Variants in KIAA1328 observed in about 807,000 individuals in gnomAD.
KIAA1328 encodes KIAA1328.
A neutral mutation model predicts 68.1 loss-of-function variants in KIAA1328; 52 were observed. That is an observed-to-expected ratio of 0.76 (90% CI 0.61 to 0.96). KIAA1328 has a LOEUF of 0.96. KIAA1328 is among the 40% of genes least tolerant of loss of function. The probability of loss-of-function intolerance (pLI) is 0.00; values close to 1 mark genes in which losing one functional copy is unlikely to be tolerated. For missense variants in KIAA1328, 641 were observed against 677.6 expected, an observed-to-expected ratio of 0.95 and a Z score of 0.60; for synonymous variants, 232 against 239.4, an observed-to-expected ratio of 0.97 and a Z score of 0.28.
chr18:37,064,544 C>CA (rs1205958446), intron 6 of KIAA1328, among the ~76,000 whole-genome samples: 1 of 146,020 alleles, frequency 6.8e-6, no homozygotes, highest in Admixed American at 6.9e-5. Flanking sequence ...GTACCCCCCC[C>CA]CCCAAATATG....
At chr18:37,108,572 A>G (rs925288644) in intron 7 of KIAA1328, among the ~76,000 whole-genome samples, 1 of 152,238 alleles carries the variant, frequency 6.6e-6, no homozygotes, top group East Asian at 1.9e-4. Flanking sequence ...TCTAATAAAT[A>G]TATGTTATTA....
At chr18:36,946,582 A>G (rs1352312089) in intron 5 of KIAA1328, 1 of 152,194 alleles carries the variant, frequency 6.6e-6, no homozygotes, top group African/African-American at 2.4e-5. Context: ...TTTATTCTAA[A>G]TCTCAGCTCA....
intron 6 of KIAA1328, among the ~76,000 whole-genome samples, chr18:36,971,040 A>G (rs1486316647): frequency 6.6e-6 from 1 of 152,228 alleles, no homozygotes; most frequent in Non-Finnish European, 1.5e-5. Flanking sequence ...ATGCTACCTG[A>G]CTTCAAACTA....
chr18:37,228,589 CG>C (rs1387254187), downstream of KIAA1328, among the ~76,000 whole-genome samples: 3 of 152,086 alleles, frequency 2.0e-5, no homozygotes, highest in Non-Finnish European at 4.4e-5. Context: ...GAGTCTGAGG[CG>C]GGTGGATCAC....
chr18:37,190,753 C>A (rs2059890242), intron 9 of KIAA1328, among the ~76,000 whole-genome samples: 1 of 152,176 alleles, frequency 6.6e-6, no homozygotes, highest in Non-Finnish European at 1.5e-5. Context: ...TTGACCCAAA[C>A]AAGGGATGTG....
intron 5 of KIAA1328, among the ~76,000 whole-genome samples, chr18:36,944,354 G>A (rs1009065263): frequency 7.9e-5 from 12 of 152,018 alleles, no homozygotes; most frequent in Admixed American, 4.6e-4. Context: ...CAAGGCGGGC[G>A]GATCACAAGA....
intron 6 of KIAA1328, among the ~76,000 whole-genome samples, chr18:36,965,915 C>CA (rs1355288401): frequency 3.2e-3 from 434 of 135,916 alleles, no homozygotes; most frequent in African/African-American, 4.5e-3. Flanking sequence ...TTCTAATTGA[C>CA]AAAAAAAAAA....
intron 7 of KIAA1328, among the ~76,000 whole-genome samples, chr18:37,107,734 C>G (rs561820032): frequency 6.6e-6 from 1 of 152,260 alleles, no homozygotes; most frequent in East Asian, 1.9e-4. Flanking sequence ...TTTACTAAAG[C>G]TGCTCATCAA....
intron 6 of KIAA1328, among the ~76,000 whole-genome samples, chr18:37,061,087 C>A (rs975525190): frequency 4.6e-5 from 7 of 152,070 alleles, no homozygotes; most frequent in African/African-American, 1.4e-4. Flanking sequence ...TGCACTCCAG[C>A]CTGGGCGACA....
chr18:37,180,730 A>G lies in KIAA1328; in HGVS notation c.1523+7649A>G, dbSNP rs536398319. On this transcript the variant is annotated intron_variant, in intron 9 of 9. Coordinates refer to ENST00000280020, the MANE Select transcript of KIAA1328 (RefSeq NM_020776.3). Reference sequence around the variant, plus strand: ...TTTTCTGATGTTCCTAGCAGAGGAAATGATCATGTATTATCCTCCTAGCAG... The same window carrying G: ...TTTTCTGATGTTCCTAGCAGAGGAAGTGATCATGTATTATCCTCCTAGCAG... Among the ~76,000 whole-genome samples, 156 of 152,240 alleles carry G rather than the reference A, an allele frequency of 1.0e-3. 2 individuals carry two copies. Among genetic ancestry groups the G allele is most frequent in the African/African-American group, 3.7e-3 (154 of 41,552 alleles).
intron 7 of KIAA1328, among the ~76,000 whole-genome samples, chr18:37,094,395 CA>C (rs1204265183): frequency 6.6e-6 from 1 of 152,082 alleles, no homozygotes; most frequent in East Asian, 1.9e-4. Flanking sequence ...GTACTATAGC[CA>C]GCAAAGTTAT....
intron 7 of KIAA1328, among the ~76,000 whole-genome samples, chr18:37,157,183 GAATA>G (rs2059170579): frequency 6.6e-6 from 1 of 152,136 alleles, no homozygotes; most frequent in South Asian, 2.1e-4. Context: ...ATGTCTGTTA[GAATA>G]AATTATTGTT....
At chr18:36,944,402 C>A (rs920786724) in intron 5 of KIAA1328, among the ~76,000 whole-genome samples, 11 of 152,060 alleles carry the variant, frequency 7.2e-5, no homozygotes, top group Non-Finnish European at 1.2e-4. Context: ...CACGGTGAAA[C>A]CCCATCTCTA....
intron 7 of KIAA1328, among the ~76,000 whole-genome samples, chr18:37,152,090 C>A (rs2059044264): frequency 7.7e-6 from 1 of 129,248 alleles, no homozygotes; most frequent in Non-Finnish European, 1.6e-5. Flanking sequence ...TTGGAATGGA[C>A]CTATGTAAAA....
At chr18:37,052,595 C>T (rs1262476356) in intron 6 of KIAA1328, among the ~76,000 whole-genome samples, 1 of 151,888 alleles carries the variant, frequency 6.6e-6, no homozygotes, top group African/African-American at 2.4e-5. Context: ...AAAAAAAACC[C>T]TAAAGATTTC....
intron 7 of KIAA1328, among the ~76,000 whole-genome samples, chr18:37,141,860 T>C (rs2058772393): frequency 6.6e-6 from 1 of 152,234 alleles, no homozygotes; most frequent in Admixed American, 6.5e-5. Flanking sequence ...ATATAACTTT[T>C]TGTGAAATAT....
In KIAA1328 at chr18:37,213,455, A is replaced by C. The variant is rs894248355; in HGVS notation, c.1524-8562A>C. 2.0e-5 allele frequency among the ~76,000 whole-genome samples: 3 copies of C among 152,156 alleles called. No homozygotes were observed. The East Asian group carries it at 5.8e-4, about 29-fold the overall frequency. ...AGAATGATGGTTTCCAGCTTCATCC[A>C]TGTCCCTACAAAGGAGATGAACTCA... On this transcript the variant is annotated intron_variant, in intron 9 of 9. Transcript: ENST00000280020.
chr18:37,143,571 A>G (rs575104435), intron 7 of KIAA1328, among the ~76,000 whole-genome samples: 50 of 145,756 alleles, frequency 3.4e-4, no homozygotes, highest in Admixed American at 2.7e-4. Context: ...AGACTTTCAA[A>G]ACAATATGAA....
chr18:37,035,321 C>T lies in KIAA1328; in HGVS notation c.577-31569C>T, dbSNP rs570441359. Among the ~76,000 whole-genome samples the T allele has an allele frequency of 2.0e-5, 3 of 152,304 alleles. No homozygotes were observed. The South Asian group carries it at 6.2e-4, about 32-fold the overall frequency. On this transcript the variant is annotated intron_variant, in intron 6 of 9. Coordinates refer to ENST00000280020, the MANE Select transcript of KIAA1328 (RefSeq NM_020776.3). ...CTGGGCACTTTTGAAAAATGCAAATCCTCAGGCCCTACTCCATACCTACTA... is the reference window on the plus strand; with the variant it reads ...CTGGGCACTTTTGAAAAATGCAAATTCTCAGGCCCTACTCCATACCTACTA...
Sources: gnomAD v4.1 joint callset for allele counts (sites outside exome capture counted in the v4.1 genomes callset) on GRCh38, gnomAD v4.1.1 for gene constraint, MANE v1.5 for transcripts, NCBI Gene and HGNC (gene_info 2026-07-23, HGNC 2026-07-21) for gene names.